The following RBM47 variants were observed in gnomAD, a reference collection of about 807,000 sequenced individuals.
The protein encoded by RBM47 is RNA binding motif protein 47.
Under a neutral mutation model 47.1 loss-of-function variants are expected in RBM47, and 21 were observed. The ratio of observed to expected loss-of-function variants is 0.45; its 90% CI spans 0.32 to 0.64. The LOEUF is 0.64. Among genes scored for constraint, RBM47 ranks in the 30% least tolerant of loss-of-function variants. RBM47 has a pLI of 0.05. For missense variants in RBM47, 708 were observed against 870.9 expected, an observed-to-expected ratio of 0.81 and a Z score of 2.35; for synonymous variants, 375 against 361.7, an observed-to-expected ratio of 1.04 and a Z score of -0.42.
intron 3 of RBM47, among the ~76,000 whole-genome samples, chr4:40,442,456 A>C (rs972748279): frequency 9.2e-5 from 14 of 152,216 alleles, no homozygotes; most frequent in Non-Finnish European, 1.6e-4. Flanking sequence ...TGTAAAAAAC[A>C]GTATGGTGGT....
At chr4:40,450,851 C>T (rs1486936960) in intron 3 of RBM47, among the ~76,000 whole-genome samples, 2 of 152,158 alleles carry the variant, frequency 1.3e-5, no homozygotes, top group East Asian at 3.8e-4. Context: ...CCAGAAATGT[C>T]TCCAGACATT....
intron 1 of RBM47, among the ~76,000 whole-genome samples, chr4:40,585,002 T>C (rs1210742795): frequency 6.6e-6 from 1 of 152,210 alleles, no homozygotes; most frequent in African/African-American, 2.4e-5. Flanking sequence ...TCCACTAAAG[T>C]TGCACAACCT....
intron 1 of RBM47, among the ~76,000 whole-genome samples, chr4:40,622,224 CAGAG>C (rs1737331490): frequency 6.6e-6 from 1 of 152,054 alleles, no homozygotes; most frequent in South Asian, 2.1e-4. Flanking sequence ...CGATAAATAC[CAGAG>C]AGAAAGCAGG....
At chr4:40,598,336 T>C (rs1430931245) in intron 1 of RBM47, among the ~76,000 whole-genome samples, 1 of 152,170 alleles carries the variant, frequency 6.6e-6, no homozygotes, top group African/African-American at 2.4e-5. Flanking sequence ...AACCTCCACC[T>C]ACCAGGCTCA....
intron 2 of RBM47, among the ~76,000 whole-genome samples, chr4:40,508,138 C>T (rs955540236): frequency 6.6e-6 from 1 of 152,190 alleles, no homozygotes; most frequent in African/African-American, 2.4e-5. Flanking sequence ...GCCTCAACAG[C>T]GTTCTGGCAT....
At chr4:40,494,326 C>A (rs1475048539) in intron 2 of RBM47, among the ~76,000 whole-genome samples, 7 of 152,294 alleles carry the variant, frequency 4.6e-5, no homozygotes, top group African/African-American at 1.7e-4. Flanking sequence ...ACCTTTCCTG[C>A]ACTTCTATGC....
At chr4:40,482,531 G>C (rs1720576508) in intron 2 of RBM47, among the ~76,000 whole-genome samples, 1 of 152,128 alleles carries the variant, frequency 6.6e-6, no homozygotes, top group Non-Finnish European at 1.5e-5. Flanking sequence ...CGGGATTACA[G>C]GTGTAAGCAC....
chr4:40,464,843 ATCG>A (rs1717740668), intron 3 of RBM47, among the ~76,000 whole-genome samples: 1 of 135,332 alleles, frequency 7.4e-6, no homozygotes, highest in Non-Finnish European at 1.6e-5. Flanking sequence ...GTGAGCCGAG[ATCG>A]CGCCACTGCA....
At chr4:40,553,969 T>C (rs552605580) in intron 1 of RBM47, among the ~76,000 whole-genome samples, 11 of 152,144 alleles carry the variant, frequency 7.2e-5, no homozygotes, top group Non-Finnish European at 4.4e-5. Flanking sequence ...GTCCTGAAAC[T>C]GAGTACGCAA....
chr4:40,606,358 G>A (rs1735759377), intron 1 of RBM47, among the ~76,000 whole-genome samples: 1 of 151,958 alleles, frequency 6.6e-6, no homozygotes, highest in Non-Finnish European at 1.5e-5. Context: ...TGTGGTCTCG[G>A]TAAGAAAAAA....
chr4:40,619,830 C>T (rs749256241), intron 1 of RBM47, among the ~76,000 whole-genome samples: 1 of 152,182 alleles, frequency 6.6e-6, no homozygotes, highest in Non-Finnish European at 1.5e-5. Context: ...TCCCAGAGGG[C>T]GGAGAATCTT....
chr4:40,592,979 A>T (rs13138442), intron 1 of RBM47, among the ~76,000 whole-genome samples: 163 of 14,212 alleles, frequency 0.011, 1 homozygote, highest in South Asian at 0.016. Flanking sequence ...ATATATATAT[A>T]TTTTTTTTTT....
At chr4:40,470,056 G>A (rs1004596296) in intron 2 of RBM47, among the ~76,000 whole-genome samples, 7 of 152,312 alleles carry the variant, frequency 4.6e-5, no homozygotes, top group African/African-American at 1.7e-4. Context: ...AACCCAGTTT[G>A]AGAAGGTTAG....
chr4:40,535,271 A>G (rs1353187879), intron 2 of RBM47, among the ~76,000 whole-genome samples: 1 of 152,068 alleles, frequency 6.6e-6, no homozygotes, highest in Non-Finnish European at 1.5e-5. Flanking sequence ...CACTGATTAC[A>G]CAGGTATAGA....
chr4:40,608,224 C>T (rs1240611066), intron 1 of RBM47, among the ~76,000 whole-genome samples: 1 of 152,160 alleles, frequency 6.6e-6, no homozygotes, highest in African/African-American at 2.4e-5. Flanking sequence ...CTCCTGTGGG[C>T]TCCCTGTTCA....
At chr4:40,526,341 T>C (rs1384285117) in intron 2 of RBM47, among the ~76,000 whole-genome samples, 2 of 152,164 alleles carry the variant, frequency 1.3e-5, no homozygotes, top group East Asian at 3.8e-4. Context: ...GTTTTCTAAA[T>C]CATAGAGAAG....
At chr4:40,531,624 C>T (rs908447332) in intron 2 of RBM47, among the ~76,000 whole-genome samples, 1 of 151,738 alleles carries the variant, frequency 6.6e-6, no homozygotes, top group African/African-American at 2.4e-5. Context: ...AGGGTGAAGG[C>T]TATGCCAGTA....
At position 40,432,715 on chromosome 4, in the gene RBM47, G is replaced by A; in HGVS notation, c.1478C>T (p.Ala493Val). 1.9e-6 allele frequency: 3 copies of A among 1,611,724 alleles called. No homozygotes were observed. Among genetic ancestry groups the A allele is most frequent in the South Asian group, 1.1e-5 (1 of 90,932 alleles). ...QPDPASAAAA[A>V]AAAAAAAAAV... Reference sequence around the variant, plus strand: ...GGCTGCGGCGGCTGCGGCCGCGGCTGCGGCGGCAGCAGCACTGGCTGGGTC... The same window carrying A: ...GGCTGCGGCGGCTGCGGCCGCGGCTACGGCGGCAGCAGCACTGGCTGGGTC... The change falls in exon 6 of 7, where the codon GCA becomes GTA. Residue 493 changes from alanine (A) to valine (V), a missense_variant. Transcript: ENST00000295971.
intron 2 of RBM47, among the ~76,000 whole-genome samples, chr4:40,493,128 A>C (rs1389089117): frequency 6.6e-6 from 1 of 152,204 alleles, no homozygotes; most frequent in Admixed American, 6.5e-5. Context: ...CAACTTTGTC[A>C]AATGAAGATC....
Sources: allele counts gnomAD v4.1 joint callset (sites outside exome capture counted in the v4.1 genomes callset), GRCh38; gene constraint gnomAD v4.1.1; transcripts MANE v1.5; gene names NCBI Gene and HGNC (gene_info 2026-07-23, HGNC 2026-07-21).